Variants in CNTNAP2 observed in about 807,000 individuals in gnomAD.
CNTNAP2 encodes contactin-associated protein-like 2.
In CNTNAP2, 98 loss-of-function variants were observed where a neutral mutation model predicts 155.2. The ratio of observed to expected loss-of-function variants is 0.63; its 90% CI spans 0.54 to 0.75. The LOEUF is 0.75. Ranked by LOEUF, CNTNAP2 falls within the 30% of genes least tolerant of loss-of-function variation. The pLI is 0.00. For synonymous variants in CNTNAP2, 651 were observed against 631.2 expected, an observed-to-expected ratio of 1.03 and a Z score of -0.47; for missense variants, 1,727 against 1,688.1, an observed-to-expected ratio of 1.02 and a Z score of -0.40.
At chr7:148,154,302 T>C (rs757945378) in intron 17 of CNTNAP2, among the ~76,000 whole-genome samples, 31 of 152,262 alleles carry the variant, frequency 2.0e-4, no homozygotes, top group Middle Eastern at 6.8e-3. Context: ...TCAGGAGACT[T>C]TTTTCTCCTG....
At chr7:147,764,005 C>G (rs893914383) in intron 13 of CNTNAP2, among the ~76,000 whole-genome samples, 4 of 152,196 alleles carry the variant, frequency 2.6e-5, no homozygotes, top group Admixed American at 2.6e-4. Context: ...TGGTTGCACC[C>G]TGACACTGTG....
intron 15 of CNTNAP2, among the ~76,000 whole-genome samples, chr7:147,984,122 A>G (rs1563157503): frequency 6.6e-6 from 1 of 152,202 alleles, no homozygotes; most frequent in Non-Finnish European, 1.5e-5. Context: ...TCTTATTGCT[A>G]CAGTCTGTAA....
intron 2 of CNTNAP2, among the ~76,000 whole-genome samples, chr7:146,792,063 A>C (rs1462085545): frequency 1.3e-5 from 2 of 152,158 alleles, no homozygotes; most frequent in African/African-American, 4.8e-5. Flanking sequence ...CGGGAAATAA[A>C]AATCCTGTTG....
intron 13 of CNTNAP2, among the ~76,000 whole-genome samples, chr7:147,898,318 GAGAA>G (rs936627095): frequency 5.9e-5 from 9 of 152,184 alleles, no homozygotes; most frequent in Non-Finnish European, 2.9e-5. Context: ...TGGAATATCT[GAGAA>G]AGTACCACAG....
Position 146,653,946 on chromosome 7 carries a change from C to T in CNTNAP2, c.98-120325C>T, listed in dbSNP as rs868681461. Among the ~76,000 whole-genome samples the T allele has an allele frequency of 7.2e-5, 11 of 152,048 alleles. No homozygotes were observed. The South Asian group carries it at 1.0e-3, about 14-fold the overall frequency. ...GACTCTTTAGTGCTTTATTACTGCC[C>T]TCTTGTAAGTTTGTTGCTTTTCCAC... On this transcript the variant is annotated intron_variant, in intron 1 of 23. Coordinates refer to ENST00000361727, the MANE Select transcript of CNTNAP2 (RefSeq NM_014141.6).
chr7:147,681,158 G>T (rs1795943341), intron 13 of CNTNAP2, among the ~76,000 whole-genome samples: 1 of 151,886 alleles, frequency 6.6e-6, no homozygotes, highest in Non-Finnish European at 1.5e-5. Flanking sequence ...AACCATCATT[G>T]GTTGTTTTTG....
intron 20 of CNTNAP2, among the ~76,000 whole-genome samples, chr7:148,234,467 T>G (rs895153245): frequency 3.3e-5 from 5 of 152,242 alleles, no homozygotes; most frequent in African/African-American, 1.2e-4. Flanking sequence ...GCCCTATTTC[T>G]TCAGATTTTT....
At chr7:148,026,398 C>A (rs976639209) in intron 15 of CNTNAP2, among the ~76,000 whole-genome samples, 33 of 152,066 alleles carry the variant, frequency 2.2e-4, no homozygotes, top group African/African-American at 8.0e-4. Context: ...CTGCGGTGAG[C>A]CATGATTGTG....
At chr7:148,074,884 A>G (rs1803455560) in intron 15 of CNTNAP2, among the ~76,000 whole-genome samples, 1 of 152,180 alleles carries the variant, frequency 6.6e-6, no homozygotes, top group Admixed American at 6.5e-5. Context: ...TCTTATTTTT[A>G]TCAACACTTT....
At position 148,409,408 on chromosome 7, in the gene CNTNAP2, T is replaced by C. The variant is rs1301986409; in HGVS notation, c.3733T>C (p.Tyr1245His). The C allele has an allele frequency of 1.2e-6, 2 of 1,613,660 alleles. No individual in the cohort carries two copies. Among genetic ancestry groups the C allele is most frequent in the African/African-American group, 1.3e-5 (1 of 75,024 alleles). ...CTCTACAGCCAGTGCGGATTTTCCA[T>C]ATAATCCAGGACAAGGCCAAGCTAT... The part of the protein sequence containing the change: ...HLDSASADFP[Y>H]NPGQGQAIRN... The change falls in exon 23 of 24, where the codon TAT (tyrosine) becomes CAT (histidine). Residue 1245 changes from tyrosine (Y) to histidine (H), a missense_variant. Coordinates refer to ENST00000361727, the MANE Select transcript of CNTNAP2 (RefSeq NM_014141.6).
At chr7:146,754,995 C>G (rs929812166) in intron 1 of CNTNAP2, among the ~76,000 whole-genome samples, 2 of 151,820 alleles carry the variant, frequency 1.3e-5, no homozygotes, top group South Asian at 4.1e-4. Flanking sequence ...ATTTTTGCCT[C>G]CATTGTATAT....
At chr7:147,061,737 T>C (rs1041820959) in intron 4 of CNTNAP2, among the ~76,000 whole-genome samples, 2 of 152,138 alleles carry the variant, frequency 1.3e-5, no homozygotes, top group Non-Finnish European at 2.9e-5. Context: ...TATCCCAAAA[T>C]AGCAACCAAT....
intron 1 of CNTNAP2, among the ~76,000 whole-genome samples, chr7:146,685,809 A>G (rs2129170707): frequency 6.6e-6 from 1 of 152,314 alleles, no homozygotes; most frequent in Non-Finnish European, 1.5e-5. Flanking sequence ...CTTAGAAATA[A>G]TTATCTGCCT....
chr7:146,816,082 G>A (rs1803164671), intron 2 of CNTNAP2, among the ~76,000 whole-genome samples: 1 of 152,106 alleles, frequency 6.6e-6, no homozygotes, highest in African/African-American at 2.4e-5. Flanking sequence ...CTCTACAAAG[G>A]ACTTTAACTC....
intron 1 of CNTNAP2, among the ~76,000 whole-genome samples, chr7:146,234,061 A>T (rs1389989910): frequency 4.1e-5 from 6 of 147,852 alleles, no homozygotes; most frequent in Non-Finnish European, 9.0e-5. Flanking sequence ...ACAAGGGTTG[A>T]ACTAGTTTAC....
intron 3 of CNTNAP2, among the ~76,000 whole-genome samples, chr7:147,010,379 G>T (rs966452867): frequency 3.3e-5 from 5 of 151,834 alleles, no homozygotes; most frequent in Non-Finnish European, 5.9e-5. Context: ...GATGAATTTT[G>T]GTTCTTTAGT....
intron 1 of CNTNAP2, among the ~76,000 whole-genome samples, chr7:146,482,956 A>G (rs1234912200): frequency 2.0e-5 from 3 of 151,656 alleles, no homozygotes; most frequent in Non-Finnish European, 4.4e-5. Flanking sequence ...AATACAATAT[A>G]TTTTATTTGC....
chr7:146,200,887 G>A (rs190635880), intron 1 of CNTNAP2, among the ~76,000 whole-genome samples: 17 of 152,230 alleles, frequency 1.1e-4, no homozygotes, highest in Admixed American at 1.0e-3. Context: ...TATGGCCTCT[G>A]AACAGAACCA....
chr7:146,365,090 T>C (rs1007227193), intron 1 of CNTNAP2, among the ~76,000 whole-genome samples: 1 of 152,238 alleles, frequency 6.6e-6, no homozygotes, highest in Non-Finnish European at 1.5e-5. Flanking sequence ...TCTAATTATG[T>C]AAATGTGGTA....
Sources: gnomAD v4.1 joint callset for allele counts (sites outside exome capture counted in the v4.1 genomes callset) on GRCh38, gnomAD v4.1.1 for gene constraint, MANE v1.5 for transcripts, NCBI Gene and HGNC (gene_info 2026-07-23, HGNC 2026-07-21) for gene names.